Variants in PTPRG observed in about 807,000 individuals in gnomAD.
The protein encoded by PTPRG is receptor-type tyrosine-protein phosphatase gamma.
Under a neutral mutation model 165.3 loss-of-function variants are expected in PTPRG, and 102 were observed. The ratio of observed to expected loss-of-function variants is 0.62; its 90% CI spans 0.53 to 0.73. The LOEUF (loss-of-function observed/expected upper bound fraction) is 0.73, where lower values mean the gene tolerates loss of function less well. Among genes scored for constraint, PTPRG ranks in the 30% least tolerant of loss-of-function variants. The pLI is 0.00. For synonymous variants in PTPRG, 675 were observed against 669.5 expected, an observed-to-expected ratio of 1.01 and a Z score of -0.13; for missense variants, 1,866 against 1,861.4, an observed-to-expected ratio of 1.00 and a Z score of -0.05.
chr3:61,646,266 C>G (rs140068829), intron 1 of PTPRG, among the ~76,000 whole-genome samples: 1 of 152,112 alleles, frequency 6.6e-6, no homozygotes, highest in African/African-American at 2.4e-5. Context: ...CACGCCACCA[C>G]GCTTGGCTAA....
chr3:61,613,798 G>T (rs978219210), intron 1 of PTPRG, among the ~76,000 whole-genome samples: 2 of 152,182 alleles, frequency 1.3e-5, no homozygotes, highest in African/African-American at 4.8e-5. Flanking sequence ...GTATTTTGTT[G>T]AAAGAATTGT....
At chr3:61,814,264 C>T (rs1325464722) in intron 2 of PTPRG, among the ~76,000 whole-genome samples, 1 of 152,206 alleles carries the variant, frequency 6.6e-6, no homozygotes, top group African/African-American at 2.4e-5. Flanking sequence ...TCTAAACTCA[C>T]ATCCCTAACA....
chr3:61,708,416 C>T (rs2031372019), intron 1 of PTPRG, among the ~76,000 whole-genome samples: 1 of 149,468 alleles, frequency 6.7e-6, no homozygotes, highest in Non-Finnish European at 1.5e-5. Flanking sequence ...CTTATATCTT[C>T]CCTAATGAAC....
At chr3:61,708,690 C>T (rs1443949753) in intron 1 of PTPRG, among the ~76,000 whole-genome samples, 2 of 152,010 alleles carry the variant, frequency 1.3e-5, no homozygotes, top group African/African-American at 2.4e-5. Context: ...ATCTCCTGAC[C>T]TCATGATCCG....
chr3:61,701,295 A>T (rs2106705130), intron 1 of PTPRG, among the ~76,000 whole-genome samples: 1 of 152,266 alleles, frequency 6.6e-6, no homozygotes, highest in South Asian at 2.1e-4. Flanking sequence ...ATTTGCACCC[A>T]CTGCTAACAA....
chr3:61,941,425 C>A (rs186964695), intron 2 of PTPRG, among the ~76,000 whole-genome samples: 5 of 152,178 alleles, frequency 3.3e-5, no homozygotes, highest in East Asian at 1.9e-4. Context: ...GAGATCGAGA[C>A]CGTCCTGGCC....
intron 1 of PTPRG, among the ~76,000 whole-genome samples, chr3:61,618,899 T>C (rs948529465): frequency 1.9e-4 from 28 of 149,804 alleles, no homozygotes; most frequent in African/African-American, 6.9e-4. Context: ...CCCAGCACTT[T>C]GGGAGCCCAA....
At chr3:62,151,395 A>C (rs1342591611) in intron 6 of PTPRG, among the ~76,000 whole-genome samples, 1 of 152,194 alleles carries the variant, frequency 6.6e-6, no homozygotes, top group Non-Finnish European at 1.5e-5. Context: ...TAAAAATGAA[A>C]GAAAGCGTTG....
intron 2 of PTPRG, among the ~76,000 whole-genome samples, chr3:61,969,035 C>T (rs760601926): frequency 1.1e-4 from 16 of 152,154 alleles, no homozygotes; most frequent in Non-Finnish European, 2.4e-4. Context: ...ATTTGTACTC[C>T]TACTCCATGT....
chr3:61,611,199 C>T (rs1701156703), intron 1 of PTPRG, among the ~76,000 whole-genome samples: 2 of 152,138 alleles, frequency 1.3e-5, no homozygotes, highest in Admixed American at 6.5e-5. Context: ...GCCAGTAAAA[C>T]GTGGGCTTGA....
In PTPRG at chr3:62,228,712, A is replaced by G. The variant is rs1196307294; in HGVS notation, c.2289-2513A>G. Among the ~76,000 whole-genome samples the G allele has an allele frequency of 1.3e-5, 2 of 152,140 alleles. No homozygotes were observed. Among genetic ancestry groups the G allele is most frequent in the African/African-American group, 2.4e-5 (1 of 41,438 alleles). The stretch of plus-strand genomic sequence containing the variant: ...GGGTAGAATCAGATTCTTTTCTGGA[A>G]GATTCTACATGTACAAAGTACAAAG... On this transcript the variant is annotated intron_variant, in intron 13 of 29. Transcript: ENST00000474889. This position sits in a 1 kb window ranked among gnomAD's most constrained non-coding sequence, Gnocchi z 4.1.
intron 5 of PTPRG, among the ~76,000 whole-genome samples, chr3:62,125,618 G>C (rs1418193608): frequency 6.6e-6 from 1 of 151,690 alleles, no homozygotes; most frequent in Non-Finnish European, 1.5e-5. Flanking sequence ...GGAGAAACTT[G>C]TAGGCAAGTC....
intron 4 of PTPRG, among the ~76,000 whole-genome samples, chr3:62,028,584 C>T (rs1243890581): frequency 2.0e-5 from 3 of 152,136 alleles, no homozygotes; most frequent in Non-Finnish European, 4.4e-5. Context: ...TGCATGTTGG[C>T]CATCAAGGAG....
At chr3:61,681,237 C>A (rs1450796046) in intron 1 of PTPRG, among the ~76,000 whole-genome samples, 1 of 152,126 alleles carries the variant, frequency 6.6e-6, no homozygotes, top group African/African-American at 2.4e-5. Context: ...AATGGCATTC[C>A]TGGATCTGTT....
chr3:62,005,423 A>T (rs1410170389), intron 4 of PTPRG, among the ~76,000 whole-genome samples: 3 of 152,142 alleles, frequency 2.0e-5, no homozygotes, highest in Non-Finnish European at 4.4e-5. Context: ...TATGAGTTGA[A>T]GGGGTAGCTT....
chr3:61,887,840 A>G (rs2038095697), intron 2 of PTPRG, among the ~76,000 whole-genome samples: 1 of 152,148 alleles, frequency 6.6e-6, no homozygotes, highest in African/African-American at 2.4e-5. Flanking sequence ...CCACTCATCT[A>G]TATTGCTGAG....
intron 10 of PTPRG, among the ~76,000 whole-genome samples, chr3:62,196,994 A>T (rs372361250): frequency 6.6e-6 from 1 of 152,206 alleles, no homozygotes; most frequent in Non-Finnish European, 1.5e-5. Context: ...TACCTGGGGC[A>T]GGGGGCGTTA....
chr3:62,131,348 A>G (rs1244659349), intron 5 of PTPRG, among the ~76,000 whole-genome samples: 3 of 152,110 alleles, frequency 2.0e-5, no homozygotes, highest in Non-Finnish European at 4.4e-5. Context: ...GGAGATGCTG[A>G]GGCTTAGGAG....
intron 2 of PTPRG, among the ~76,000 whole-genome samples, chr3:61,871,464 A>T (rs757200694): frequency 6.6e-6 from 1 of 152,032 alleles, no homozygotes; most frequent in Non-Finnish European, 1.5e-5. Flanking sequence ...TTGGCTTCTC[A>T]ACATGCTGGG....
Sources: allele counts gnomAD v4.1 joint callset (sites outside exome capture counted in the v4.1 genomes callset), GRCh38; gene constraint gnomAD v4.1.1; non-coding constraint Gnocchi (gnomAD v3.1); transcripts MANE v1.5; gene names NCBI Gene and HGNC (gene_info 2026-07-23, HGNC 2026-07-21).